The following CSNK1G1 variants were observed in gnomAD, a reference collection of about 807,000 sequenced individuals.
The protein encoded by CSNK1G1 is casein kinase 1 gamma 1.
Under a neutral mutation model 59.6 loss-of-function variants are expected in CSNK1G1, and 22 were observed. The observed-to-expected ratio is 0.37, with a 90% CI of 0.26 to 0.53. The LOEUF (loss-of-function observed/expected upper bound fraction) is 0.53, where lower values mean the gene tolerates loss of function less well. CSNK1G1 is among the 20% of genes least tolerant of loss of function. CSNK1G1 has a pLI of 0.89. For missense variants in CSNK1G1, 384 were observed against 519.5 expected, an observed-to-expected ratio of 0.74 and a Z score of 2.54; for synonymous variants, 179 against 177.1, an observed-to-expected ratio of 1.01 and a Z score of -0.08.
chr15:64,251,407 T>A (rs1004543254), intron 4 of CSNK1G1, 105 bp downstream of exon 4: 2 of 721,470 alleles, frequency 2.8e-6, no homozygotes, highest in Admixed American at 4.8e-5. Flanking sequence ...GCAGGGGAGA[T>A]AGATGGTTTG....
intron 1 of CSNK1G1, among the ~76,000 whole-genome samples, chr15:64,326,601 G>A (rs1053450507): frequency 4.6e-5 from 7 of 151,638 alleles, no homozygotes; most frequent in African/African-American, 1.2e-4. Flanking sequence ...CTGAGATCAC[G>A]CCATTGCACT....
chr15:64,230,882 G>A (rs1246958630), intron 4 of CSNK1G1, among the ~76,000 whole-genome samples: 2 of 152,130 alleles, frequency 1.3e-5, no homozygotes, highest in African/African-American at 2.4e-5. Context: ...GCTGAGGCAG[G>A]AGAATGGCAT....
intron 2 of CSNK1G1, among the ~76,000 whole-genome samples, chr15:64,269,574 ACCTCT>A (rs1893169837): frequency 6.7e-6 from 1 of 150,040 alleles, no homozygotes; most frequent in Non-Finnish European, 1.5e-5. Context: ...GCTCACTGCA[ACCTCT>A]GCCTCCCGGG....
At chr15:64,355,008 G>A (rs1434916519) in intron 1 of CSNK1G1, among the ~76,000 whole-genome samples, 2 of 152,114 alleles carry the variant, frequency 1.3e-5, no homozygotes, top group African/African-American at 4.8e-5. Context: ...ACAGCACCTA[G>A]TATTCAGTCA....
chr15:64,277,337 A>G (rs180689571), intron 2 of CSNK1G1, among the ~76,000 whole-genome samples: 8 of 151,742 alleles, frequency 5.3e-5, no homozygotes, highest in Admixed American at 5.3e-4. Flanking sequence ...ATTGTGGTGC[A>G]CCCTTCAGCC....
intron 2 of CSNK1G1, among the ~76,000 whole-genome samples, chr15:64,262,380 G>T (rs896161352): frequency 6.6e-6 from 1 of 152,238 alleles, no homozygotes; most frequent in African/African-American, 2.4e-5. Context: ...AGTGAGTCCT[G>T]ACGGATGAAC....
At chr15:64,243,733 C>A (rs934464254) in intron 4 of CSNK1G1, among the ~76,000 whole-genome samples, 2 of 152,088 alleles carry the variant, frequency 1.3e-5, no homozygotes, top group African/African-American at 4.8e-5. Context: ...GCAAAAATTA[C>A]TAGCCATGTG....
intron 1 of CSNK1G1, among the ~76,000 whole-genome samples, chr15:64,332,687 AAAAT>A (rs1897174458): frequency 6.6e-6 from 1 of 151,718 alleles, no homozygotes; most frequent in Admixed American, 6.6e-5. Flanking sequence ...AAAATAAAAT[AAAAT>A]AAAATAAAAA....
At chr15:64,213,226 G>T (rs980072281) in intron 6 of CSNK1G1, among the ~76,000 whole-genome samples, 2 of 151,846 alleles carry the variant, frequency 1.3e-5, no homozygotes, top group Non-Finnish European at 2.9e-5. Context: ...CATAAAAAAG[G>T]GAGGCTTTTT....
At chr15:64,268,413 G>A (rs1423547854) in intron 2 of CSNK1G1, among the ~76,000 whole-genome samples, 1 of 152,114 alleles carries the variant, frequency 6.6e-6, no homozygotes, top group Non-Finnish European at 1.5e-5. Context: ...TTAAGTAGTA[G>A]AATGACTATA....
chr15:64,219,427 G>A (rs1194004357), intron 4 of CSNK1G1, among the ~76,000 whole-genome samples: 4 of 152,100 alleles, frequency 2.6e-5, no homozygotes, highest in African/African-American at 7.2e-5. Context: ...TTGTGGCAGC[G>A]CCTGTTGTTT....
chr15:64,343,044 C>T (rs1009610626), intron 1 of CSNK1G1, among the ~76,000 whole-genome samples: 2 of 152,104 alleles, frequency 1.3e-5, no homozygotes, highest in African/African-American at 4.8e-5. Context: ...GAAACCCTAC[C>T]TCTATTAAAA....
At chr15:64,219,775 TTC>T (rs1173980868) in intron 4 of CSNK1G1, among the ~76,000 whole-genome samples, 1 of 141,950 alleles carries the variant, frequency 7.0e-6, no homozygotes, top group African/African-American at 3.0e-5. Context: ...TTCTTTTCTT[TTC>T]TTTTTTTTTT....
At chr15:64,265,950 G>C (rs1892959010) in intron 2 of CSNK1G1, 1 of 403,974 alleles carries the variant, frequency 2.5e-6, no homozygotes, top group Non-Finnish European at 4.9e-6. Context: ...CAGGTGTAGG[G>C]GTAAGTGCCT....
At chr15:64,206,388 C>A (rs1596092550) in intron 7 of CSNK1G1, among the ~76,000 whole-genome samples, 1 of 151,972 alleles carries the variant, frequency 6.6e-6, no homozygotes, top group South Asian at 2.1e-4. Context: ...TGCAGTGAGC[C>A]GAGATTGCAC....
intron 10 of CSNK1G1, among the ~76,000 whole-genome samples, chr15:64,202,125 C>T (rs1004703520): frequency 7.9e-5 from 12 of 152,230 alleles, no homozygotes; most frequent in Admixed American, 5.2e-4. Context: ...TTCCAAACAA[C>T]GAACAATGAA....
At position 64,188,547 on chromosome 15, in the gene CSNK1G1, C is replaced by T; in HGVS notation, c.1108-8093G>A. On this transcript the variant is annotated intron_variant, in intron 10 of 11. Coordinates refer to ENST00000303052, the MANE Select transcript of CSNK1G1 (RefSeq NM_022048.5). This position sits in a 1 kb window ranked among gnomAD's most constrained non-coding sequence, Gnocchi z 4.2. ...GAAGGAAAGGTGAAGCAACAGCAAG[C>T]AATAACAAAATCAAGTACATTCGTG... 1 of 1,257,468 alleles carries T rather than the reference C, an allele frequency of 8.0e-7. No individual in the cohort carries two copies. Among genetic ancestry groups the T allele is most frequent in the Non-Finnish European group, 1.1e-6 (1 of 899,102 alleles). The allele number at this position is 1,257,468 out of a possible 1,614,324, so 77.9% of individuals were successfully genotyped here.
intron 4 of CSNK1G1, among the ~76,000 whole-genome samples, chr15:64,226,822 C>A (rs2082469068): frequency 1.3e-5 from 2 of 152,100 alleles, no homozygotes. Flanking sequence ...CAATTAACAA[C>A]TAAAAAGTCA....
At chr15:64,355,211 A>C (rs1447197001) in intron 1 of CSNK1G1, among the ~76,000 whole-genome samples, 1 of 152,196 alleles carries the variant, frequency 6.6e-6, no homozygotes, top group Non-Finnish European at 1.5e-5. Flanking sequence ...CTACACCTGG[A>C]CTAGCCTATT....
Sources: gnomAD v4.1 joint callset for allele counts (sites outside exome capture counted in the v4.1 genomes callset) on GRCh38, gnomAD v4.1.1 for gene constraint, Gnocchi (gnomAD v3.1) non-coding constraint, MANE v1.5 for transcripts, NCBI Gene and HGNC (gene_info 2026-07-23, HGNC 2026-07-21) for gene names.